Variants in NF1 observed in about 807,000 individuals in gnomAD.
NF1 encodes the protein neurofibromin.
Under a neutral mutation model 325.7 loss-of-function variants are expected in NF1, and 122 were observed. The ratio of observed to expected loss-of-function variants is 0.37; its 90% CI spans 0.32 to 0.44. The LOEUF is 0.44. Among genes scored for constraint, NF1 ranks in the 20% least tolerant of loss-of-function variants. The probability of loss-of-function intolerance (pLI) is 1.00; values close to 1 mark genes in which losing one functional copy is unlikely to be tolerated. For missense variants in NF1, 2,140 were observed against 3,415.4 expected (o/e 0.63, Z 9.31); for synonymous variants, 1,091 against 1,186.0 (o/e 0.92, Z 1.65).
chr17:31,329,099 T>G lies in NF1; in HGVS notation c.5610-1197T>G, dbSNP rs17878421. ...CAGCTTGAGCTCAGGAGTTCAAGGC[T>G]GCAGTGTGCTATAATCATGTCTGTG... is the stretch of plus-strand genomic sequence containing the variant. On this transcript the variant is annotated intron_variant, in intron 38 of 57. Transcript: ENST00000358273. 2.5e-3 allele frequency among the ~76,000 whole-genome samples: 375 copies of G among 152,278 alleles called. 1 individual carries two copies. The highest frequency in any genetic ancestry group is 0.02 in the Middle Eastern group (6 of 294).
In NF1 at chr17:31,202,574, C is replaced by T. The variant is rs1045150259; in HGVS notation, c.1260+1089C>T. On this transcript the variant is annotated intron_variant, in intron 11 of 57. Coordinates refer to ENST00000358273, the MANE Select transcript of NF1 (RefSeq NM_001042492.3). ...GTTGTGCAGGATGCCTTGGGCATTGCAGGACCTTTAAGATCGTCTGGCCTC... is the reference window on the plus strand; with the variant it reads ...GTTGTGCAGGATGCCTTGGGCATTGTAGGACCTTTAAGATCGTCTGGCCTC... Among the ~76,000 whole-genome samples, 13 of 152,098 alleles carry T rather than the reference C, an allele frequency of 8.5e-5. 1 individual carries two copies. Among genetic ancestry groups the T allele is most frequent in the Admixed American group, 5.2e-4 (8 of 15,262 alleles).
At chr17:31,164,458 G>A (rs1394196413) in intron 4 of NF1, among the ~76,000 whole-genome samples, 1 of 152,178 alleles carries the variant, frequency 6.6e-6, no homozygotes, top group Non-Finnish European at 1.5e-5. Context: ...AGTCAGATGG[G>A]TTATTAACTT....
rs2067183385 is a variant in NF1, at chr17:31,235,517, C to G, written c.3709-94C>G. On this transcript the variant is annotated intron_variant, in intron 27 of 57. Coordinates refer to ENST00000358273, the MANE Select transcript of NF1 (RefSeq NM_001042492.3). ...TTGCCTTAATTTAGCAAGTGGTTGT[C>G]AACTTTGGGTTTACATTTTTGCTAC... The G allele has an allele frequency of 6.6e-6, 9 of 1,357,984 alleles. 1 individual carries two copies. In the South Asian group the frequency reaches 9.3e-5, roughly 14 times the overall value. The allele number at this position is 1,357,984 out of a possible 1,614,324, so 84.1% of individuals were successfully genotyped here.
chr17:31,350,094 C>T (rs2151574020), intron 49 of NF1, 89 bp from the exon 50 acceptor site: 1 of 1,363,452 alleles, frequency 7.3e-7, no homozygotes, highest in Non-Finnish European at 1.0e-6. Flanking sequence ...AGGTACTATG[C>T]TCTTTAGGAG....
intron 27 of NF1, 22 bp from the exon 28 acceptor site, chr17:31,235,589 C>A (rs774361499): frequency 6.2e-6 from 10 of 1,613,494 alleles, no homozygotes; most frequent in Admixed American, 1.7e-5. Context: ...TTTGCACTAA[C>A]CTGATTTTGT....
chr17:31,170,890 T>C (rs2065918440), intron 5 of NF1, among the ~76,000 whole-genome samples: 1 of 152,182 alleles, frequency 6.6e-6, no homozygotes, highest in Admixed American at 6.5e-5. Flanking sequence ...CTAATTTAGA[T>C]ATGAAACCGT....
intron 1 of NF1, among the ~76,000 whole-genome samples, chr17:31,146,058 C>T (rs1400660838): frequency 6.6e-6 from 1 of 152,146 alleles, no homozygotes; most frequent in Non-Finnish European, 1.5e-5. Flanking sequence ...CAAACAGTAG[C>T]CTAAAACACA....
At chr17:31,107,394 C>G (rs1453904075) in intron 1 of NF1, among the ~76,000 whole-genome samples, 4 of 152,020 alleles carry the variant, frequency 2.6e-5, no homozygotes, top group Non-Finnish European at 5.9e-5. Context: ...TCTCATGACA[C>G]AAACTACCCA....
At position 31,357,101 on chromosome 17, in the gene NF1, C is replaced by A. The variant is rs746332598; in HGVS notation, c.7869+11C>A. On this transcript the variant is annotated intron_variant, in intron 53 of 57. Transcript: ENST00000358273. ...CTTCTTACTGTTCTAGTAAGGATTT[C>A]CCCTTTTTGAGTCCCCCACCCTCAA... 4 of 1,612,852 alleles carry A rather than the reference C, an allele frequency of 2.5e-6. No homozygotes were observed. Among genetic ancestry groups the A allele is most frequent in the Non-Finnish European group, 3.4e-6 (4 of 1,179,934 alleles).
At chr17:31,107,665 C>T (rs1404447376) in intron 1 of NF1, among the ~76,000 whole-genome samples, 1 of 151,896 alleles carries the variant, frequency 6.6e-6, no homozygotes, top group Non-Finnish European at 1.5e-5. Flanking sequence ...AGATTCCCAC[C>T]CCCACCAAAA....
At chr17:31,288,522 GTTTTTTTTTTTTTT>G (rs200926157) in intron 36 of NF1, among the ~76,000 whole-genome samples, 63,836 of 122,360 alleles carry the variant, frequency 0.52, 16,882 homozygotes, top group African/African-American at 0.74. Context: ...TTTTTGCTTT[GTTTTTTTTTTTTTT>G]TTTTTTTTTT....
At chr17:31,287,408 A>G (rs1237505293) in intron 36 of NF1, among the ~76,000 whole-genome samples, 1 of 152,202 alleles carries the variant, frequency 6.6e-6, no homozygotes, top group Non-Finnish European at 1.5e-5. Flanking sequence ...TAGGTGATAA[A>G]CTTTATGTCA....
chr17:31,311,328 A>G (rs2151517207), intron 36 of NF1, among the ~76,000 whole-genome samples: 1 of 152,288 alleles, frequency 6.6e-6, no homozygotes, highest in African/African-American at 2.4e-5. Context: ...GTTAAGTTGG[A>G]TATGTTAGGA....
intron 5 of NF1, among the ~76,000 whole-genome samples, chr17:31,175,143 T>C (rs1160572412): frequency 6.9e-6 from 1 of 145,532 alleles, no homozygotes; most frequent in African/African-American, 2.5e-5. Flanking sequence ...GAGTTTTTAC[T>C]GATACAGAAA....
chr17:31,176,153 T>C (rs2030761253), intron 5 of NF1, among the ~76,000 whole-genome samples: 1 of 152,232 alleles, frequency 6.6e-6, no homozygotes, highest in Admixed American at 6.5e-5. Context: ...TGTAAAAGTG[T>C]TCCTATTTCT....
chr17:31,230,231 ATTT>A (rs758421471), intron 22 of NF1, 26 bp from the exon 23 acceptor site: 5 of 1,610,028 alleles, frequency 3.1e-6, no homozygotes, highest in Non-Finnish European at 4.2e-6. Context: ...ATATCTGATA[ATTT>A]TTTTATTGTT....
At chr17:31,266,736 G>GTT (rs55920122) in intron 36 of NF1, among the ~76,000 whole-genome samples, 148 of 144,878 alleles carry the variant, frequency 1.0e-3, no homozygotes, top group Admixed American at 1.4e-3. Context: ...ACAAAGCTGC[G>GTT]TTTTTTTTTT....
intron 1 of NF1, among the ~76,000 whole-genome samples, chr17:31,113,836 A>G (rs1402847561): frequency 6.6e-6 from 1 of 152,242 alleles, no homozygotes; most frequent in Non-Finnish European, 1.5e-5. Flanking sequence ...TACAAGAAGA[A>G]AAACACTCTA....
chr17:31,240,881 GTGTT>G (rs755011949), intron 29 of NF1, among the ~76,000 whole-genome samples: 6 of 152,074 alleles, frequency 3.9e-5, no homozygotes, highest in Admixed American at 1.3e-4. Context: ...TTTTGTTTGT[GTGTT>G]TGTTTGTTTT....
Sources: gnomAD v4.1 joint callset for allele counts (sites outside exome capture counted in the v4.1 genomes callset) on GRCh38, gnomAD v4.1.1 for gene constraint, MANE v1.5 for transcripts, NCBI Gene and HGNC (gene_info 2026-07-23, HGNC 2026-07-21) for gene names.